The following RSRC1 variants were observed in gnomAD, a reference collection of about 807,000 sequenced individuals.
The protein encoded by RSRC1 is serine/Arginine-related protein 53.
RSRC1 carries 39 observed loss-of-function variants against 49.1 expected under a neutral mutation model. The ratio of observed to expected loss-of-function variants is 0.79; its 90% CI spans 0.61 to 1.04. The LOEUF (loss-of-function observed/expected upper bound fraction) is 1.04. Ranked by LOEUF, RSRC1 falls within the 50% of genes least tolerant of loss-of-function variation. The pLI is 0.00. For missense variants in RSRC1, 388 were observed against 402.4 expected (o/e 0.96, Z 0.31); for synonymous variants, 143 against 130.8 (o/e 1.09, Z -0.63).
intron 4 of RSRC1, among the ~76,000 whole-genome samples, chr3:158,288,604 TC>T (rs1726719798): frequency 6.6e-6 from 1 of 152,162 alleles, no homozygotes; most frequent in African/African-American, 2.4e-5. Context: ...TCCCCCGGTA[TC>T]TGTGGGATAT....
intron 6 of RSRC1, among the ~76,000 whole-genome samples, chr3:158,439,475 T>G (rs553063143): frequency 5.9e-5 from 9 of 152,242 alleles, no homozygotes; most frequent in African/African-American, 2.2e-4. Flanking sequence ...CATGGAATAC[T>G]ATGCAGCCAT....
At chr3:158,404,398 T>C (rs1235998996) in intron 6 of RSRC1, among the ~76,000 whole-genome samples, 1 of 151,904 alleles carries the variant, frequency 6.6e-6, no homozygotes. Context: ...AGTAAAGAAA[T>C]GAAGAGAGAA....
intron 6 of RSRC1, among the ~76,000 whole-genome samples, chr3:158,367,196 G>A (rs545996083): frequency 2.0e-5 from 3 of 152,252 alleles, no homozygotes; most frequent in South Asian, 4.1e-4. Flanking sequence ...GTGAGAGAGG[G>A]CATCCTTGTC....
chr3:158,134,066 C>T (rs1716206802), intron 3 of RSRC1, among the ~76,000 whole-genome samples: 1 of 150,414 alleles, frequency 6.6e-6, no homozygotes, highest in African/African-American at 2.5e-5. Flanking sequence ...AAGAAAATGG[C>T]CCTGGAGTAT....
At chr3:158,390,239 C>G (rs1733198168) in intron 6 of RSRC1, among the ~76,000 whole-genome samples, 1 of 152,122 alleles carries the variant, frequency 6.6e-6, no homozygotes, top group Non-Finnish European at 1.5e-5. Context: ...AAAAGTCCTT[C>G]CATGAAGGAG....
At chr3:158,113,379 T>TG (rs990693192) in intron 1 of RSRC1, among the ~76,000 whole-genome samples, 21 of 150,986 alleles carry the variant, frequency 1.4e-4, no homozygotes, top group Non-Finnish European at 2.8e-4. Context: ...GACTTTTTTT[T>TG]TTTTTTTGAG....
intron 4 of RSRC1, among the ~76,000 whole-genome samples, chr3:158,214,769 C>T (rs1721864440): frequency 6.6e-6 from 1 of 151,758 alleles, no homozygotes. Context: ...AGCTTCATTT[C>T]ATTATGACCA....
At chr3:158,489,434 G>T (rs1216338925) in intron 7 of RSRC1, among the ~76,000 whole-genome samples, 1 of 152,084 alleles carries the variant, frequency 6.6e-6, no homozygotes, top group African/African-American at 2.4e-5. Context: ...TTAACATCTG[G>T]CATTAGCTAT....
intron 4 of RSRC1, among the ~76,000 whole-genome samples, chr3:158,219,103 A>G (rs1405196180): frequency 6.6e-6 from 1 of 151,654 alleles, no homozygotes; most frequent in East Asian, 1.9e-4. Context: ...CATCTGGAAG[A>G]ATATGGAAGA....
intron 5 of RSRC1, among the ~76,000 whole-genome samples, chr3:158,330,119 A>G (rs1466310322): frequency 2.6e-5 from 4 of 152,222 alleles, no homozygotes; most frequent in Non-Finnish European, 5.9e-5. Flanking sequence ...CCGATTTTCC[A>G]GGTGCCATCT....
chr3:158,172,406 A>C (rs892902992), intron 3 of RSRC1, among the ~76,000 whole-genome samples: 1 of 152,180 alleles, frequency 6.6e-6, no homozygotes, highest in Non-Finnish European at 1.5e-5. Context: ...CCTCTTGTGC[A>C]TAACTGGGAA....
chr3:158,206,384 A>G (rs952484588), intron 4 of RSRC1, among the ~76,000 whole-genome samples: 10 of 152,306 alleles, frequency 6.6e-5, no homozygotes, highest in African/African-American at 1.9e-4. Context: ...TGAATTTCAT[A>G]TGGAAAGGCT....
intron 5 of RSRC1, among the ~76,000 whole-genome samples, chr3:158,329,513 G>C (rs1729407262): frequency 6.6e-6 from 1 of 152,192 alleles, no homozygotes; most frequent in Non-Finnish European, 1.5e-5. Context: ...TCCAGCCCCT[G>C]TTTGCCTGGG....
chr3:158,412,317 G>C (rs1057046740), intron 6 of RSRC1, among the ~76,000 whole-genome samples: 1 of 152,054 alleles, frequency 6.6e-6, no homozygotes, highest in Non-Finnish European at 1.5e-5. Flanking sequence ...TCTTGGTATT[G>C]TTTGGTGTAA....
At chr3:158,198,083 C>T (rs1295731126) in intron 3 of RSRC1, among the ~76,000 whole-genome samples, 2 of 152,058 alleles carry the variant, frequency 1.3e-5, no homozygotes, top group African/African-American at 2.4e-5. Flanking sequence ...CTAATGTTGA[C>T]AGTGGGGTGT....
intron 5 of RSRC1, among the ~76,000 whole-genome samples, chr3:158,308,154 C>T (rs981106017): frequency 2.0e-5 from 3 of 151,854 alleles, no homozygotes; most frequent in East Asian, 1.9e-4. Flanking sequence ...GATCAGATGC[C>T]GAACAGTAAA....
intron 3 of RSRC1, among the ~76,000 whole-genome samples, chr3:158,143,140 G>C (rs1267565443): frequency 6.6e-6 from 1 of 152,152 alleles, no homozygotes; most frequent in East Asian, 1.9e-4. Flanking sequence ...GTATATGCTA[G>C]ACCAGTTCAA....
chr3:158,362,106 A>G (rs1731507245), intron 6 of RSRC1, among the ~76,000 whole-genome samples: 1 of 152,226 alleles, frequency 6.6e-6, no homozygotes, highest in African/African-American at 2.4e-5. Context: ...TAGGAGGCCA[A>G]GATGGGAGGA....
At chr3:158,441,177 A>G (rs1050426799) in intron 6 of RSRC1, among the ~76,000 whole-genome samples, 2 of 152,104 alleles carry the variant, frequency 1.3e-5, no homozygotes, top group Admixed American at 6.6e-5. Flanking sequence ...GACAATTTCT[A>G]TGATTCTCTA....
Sources: allele counts gnomAD v4.1 joint callset (sites outside exome capture counted in the v4.1 genomes callset), GRCh38; gene constraint gnomAD v4.1.1; transcripts MANE v1.5; gene names NCBI Gene and HGNC (gene_info 2026-07-23, HGNC 2026-07-21).